The following MAGI1 variants were observed in gnomAD, a reference collection of about 807,000 sequenced individuals.
MAGI1 encodes membrane-associated guanylate kinase, WW and PDZ domain-containing protein 1.
MAGI1 carries 58 observed loss-of-function variants against 139.9 expected under a neutral mutation model. The ratio of observed to expected loss-of-function variants is 0.41; its 90% confidence interval spans 0.34 to 0.52. The LOEUF is 0.52. MAGI1 is among the 20% of genes least tolerant of loss of function. The pLI is 0.12. For missense variants in MAGI1, 1,874 were observed against 1,901.6 expected, an observed-to-expected ratio of 0.99 and a Z score of 0.27; for synonymous variants, 812 against 737.9, an observed-to-expected ratio of 1.10 and a Z score of -1.63.
intron 1 of MAGI1, among the ~76,000 whole-genome samples, chr3:65,983,194 T>C (rs1195246653): frequency 6.6e-6 from 1 of 152,230 alleles, no homozygotes; most frequent in Non-Finnish European, 1.5e-5. Context: ...AGACACATCA[T>C]AAAGTAAAAC....
intron 1 of MAGI1, among the ~76,000 whole-genome samples, chr3:65,663,317 A>G (rs2107405101): frequency 6.6e-6 from 1 of 152,282 alleles, no homozygotes; most frequent in African/African-American, 2.4e-5. Context: ...AATTGCTACA[A>G]AAACGTCTAA....
intron 1 of MAGI1, among the ~76,000 whole-genome samples, chr3:65,970,233 C>T (rs933011389): frequency 6.6e-6 from 1 of 152,024 alleles, no homozygotes; most frequent in East Asian, 1.9e-4. Context: ...TGAACTATGC[C>T]GATCACAAAA....
chr3:65,832,244 G>C (rs185669827), intron 1 of MAGI1, among the ~76,000 whole-genome samples: 3 of 152,318 alleles, frequency 2.0e-5, no homozygotes, highest in African/African-American at 7.2e-5. Flanking sequence ...ATCAGTGCCT[G>C]CAAATGCAGC....
At chr3:65,591,040 C>A (rs1378420889) in intron 2 of MAGI1, among the ~76,000 whole-genome samples, 1 of 152,156 alleles carries the variant, frequency 6.6e-6, no homozygotes, top group African/African-American at 2.4e-5. Context: ...ATTCACAATA[C>A]ACACAAAGCT....
At chr3:65,640,489 C>T (rs1010495673) in intron 1 of MAGI1, among the ~76,000 whole-genome samples, 2 of 152,118 alleles carry the variant, frequency 1.3e-5, no homozygotes, top group Non-Finnish European at 2.9e-5. Flanking sequence ...CAGGTGTCCT[C>T]CACCAAAATT....
intron 1 of MAGI1, chr3:65,873,613 A>G (rs373168482): frequency 6.6e-6 from 1 of 152,306 alleles, no homozygotes; most frequent in African/African-American, 2.4e-5. Flanking sequence ...TTATTACATT[A>G]TTACACTTTG....
chr3:65,664,358 C>G (rs112671137), intron 1 of MAGI1, among the ~76,000 whole-genome samples: 1 of 151,970 alleles, frequency 6.6e-6, no homozygotes, highest in African/African-American at 2.4e-5. Flanking sequence ...AGGCTAATAG[C>G]GCTTATTCAG....
chr3:65,631,136 GAAGAA>G, intron 1 of MAGI1, among the ~76,000 whole-genome samples: 1 of 152,328 alleles, frequency 6.6e-6, no homozygotes, highest in East Asian at 1.9e-4. Context: ...GAGTGTCTAG[GAAGAA>G]GGACAGGAAG....
At chr3:65,713,843 T>A (rs573044829) in intron 1 of MAGI1, among the ~76,000 whole-genome samples, 37 of 152,292 alleles carry the variant, frequency 2.4e-4, no homozygotes, top group Admixed American at 5.2e-4. Context: ...AGGCACTAAT[T>A]TAGCTGCTGG....
intron 1 of MAGI1, among the ~76,000 whole-genome samples, chr3:66,018,156 CT>C (rs2067768145): frequency 7.5e-6 from 1 of 133,726 alleles, no homozygotes. Context: ...ATGTTGTTTT[CT>C]TTTACAAGCC....
chr3:65,915,354 G>A (rs1018642516), intron 1 of MAGI1, among the ~76,000 whole-genome samples: 5 of 152,132 alleles, frequency 3.3e-5, no homozygotes, highest in African/African-American at 1.2e-4. Flanking sequence ...CTAACACATC[G>A]CTCCATGCCA....
chr3:65,509,019 C>G (rs1256020369), intron 2 of MAGI1, among the ~76,000 whole-genome samples: 1 of 152,158 alleles, frequency 6.6e-6, no homozygotes, highest in East Asian at 1.9e-4. Flanking sequence ...GATCCTGGAG[C>G]TCTTACAAGA....
chr3:65,360,791 G>GA, intron 22 of MAGI1: 1 of 1,023,294 alleles, frequency 9.8e-7, no homozygotes, highest in Admixed American at 5.1e-5. Context: ...AACCAAAAAG[G>GA]AAAAAATAAT....
At chr3:65,526,042 T>C (rs1311874114) in intron 2 of MAGI1, among the ~76,000 whole-genome samples, 1 of 152,218 alleles carries the variant, frequency 6.6e-6, no homozygotes, top group African/African-American at 2.4e-5. Flanking sequence ...TTGTTATATG[T>C]AATTAGTTTT....
At chr3:65,485,560 A>T (rs1951570497) in intron 3 of MAGI1, among the ~76,000 whole-genome samples, 1 of 152,204 alleles carries the variant, frequency 6.6e-6, no homozygotes, top group South Asian at 2.1e-4. Context: ...GTTAGCCTAT[A>T]ATCAACTCTG....
chr3:65,608,319 T>TAA (rs2082859804), intron 2 of MAGI1, among the ~76,000 whole-genome samples: 1 of 151,974 alleles, frequency 6.6e-6, no homozygotes, highest in African/African-American at 2.4e-5. Flanking sequence ...CAGGTGCCTG[T>TAA]AATCCCAGCT....
intron 6 of MAGI1, chr3:65,452,985 C>T (rs944065578): frequency 2.0e-4 from 69 of 343,192 alleles, no homozygotes; most frequent in Non-Finnish European, 4.3e-5. Context: ...TTCCTGAAGA[C>T]AGAGGACGTA....
chr3:65,361,434 G>A, intron 21 of MAGI1, 97 bp from the exon 22 acceptor site: 2 of 1,236,094 alleles, frequency 1.6e-6, no homozygotes, highest in South Asian at 2.8e-5. Context: ...TTGCTTTGGA[G>A]GTGGCAGTGA....
At chr3:65,971,865 T>A (rs545582978) in intron 1 of MAGI1, among the ~76,000 whole-genome samples, 1 of 152,330 alleles carries the variant, frequency 6.6e-6, no homozygotes. Context: ...AGGAGCAAAC[T>A]TCTTACGCTG....
Sources: gnomAD v4.1 joint callset for allele counts (sites outside exome capture counted in the v4.1 genomes callset) on GRCh38, gnomAD v4.1.1 for gene constraint, MANE v1.5 for transcripts, NCBI Gene and HGNC (gene_info 2026-07-23, HGNC 2026-07-21) for gene names.